ILF2: variants seen among roughly 807,000 people sequenced by gnomAD.
The protein encoded by ILF2 is interleukin enhancer-binding factor 2.
A neutral mutation model predicts 55.3 loss-of-function variants in ILF2; 9 were observed. That is an observed-to-expected ratio of 0.16 (90% confidence interval 0.10 to 0.28). The LOEUF is 0.28. ILF2 is among the 10% of genes least tolerant of loss of function. The pLI, the probability that ILF2 is intolerant of heterozygous loss-of-function variation, is 1.00. For missense variants in ILF2, 266 were observed against 474.9 expected (o/e 0.56, Z 4.09); for synonymous variants, 151 against 161.8 (o/e 0.93, Z 0.50).
chr1:153,665,578 G>T, intron 7 of ILF2, 85 bp downstream of exon 7: 1 of 1,170,792 alleles, frequency 8.5e-7, no homozygotes, highest in Non-Finnish European at 1.3e-6. Flanking sequence ...CATCTGGTCT[G>T]ATCTGATTTT....
Position 153,670,154 on chromosome 1 carries a change from T to A in ILF2, c.65+17A>T. 1 of 1,613,082 alleles carries A rather than the reference T, an allele frequency of 6.2e-7. No homozygotes were observed. Among genetic ancestry groups the A allele is most frequent in the Non-Finnish European group, 8.5e-7 (1 of 1,179,278 alleles). On this transcript the variant is annotated intron_variant, in intron 2 of 13. Transcript: ENST00000361891. ...AACTAACAACCAAGTGCAGAGATGC[T>A]AAAAGCTGGTACTCACCCTCCTCCT...
In ILF2 at chr1:153,663,228, T is replaced by A. The variant is rs1669219143; in HGVS notation, c.793A>T (p.Asn265Tyr). The change falls in exon 11 of 14, where the codon AAC (asparagine) becomes TAC (tyrosine). Residue 265 changes from asparagine to tyrosine, a missense_variant. Physicochemically the swap from Asn to Tyr is moderately radical, Grantham distance 143 (BLOSUM62 -2). Transcript: ENST00000361891. ...AGCATGCTGTACCTGTATGCAACGT[T>A]TAGGGCCAAAGGCTGTCTGGTGGGG... ...NNPTRQPLAL[N>Y]VAYRRCLQIL... is the part of the protein sequence containing the mutation. 6.2e-7 allele frequency: 1 copy of A among 1,614,082 alleles called. No homozygotes were observed. The highest frequency in any genetic ancestry group is 1.7e-5 in the Admixed American group (1 of 60,002).
chr1:153,665,176 G>T, intron 8 of ILF2, 44 bp downstream of exon 8: 1 of 1,100,328 alleles, frequency 9.1e-7, no homozygotes, highest in Non-Finnish European at 1.4e-6. Context: ...ACCATGTTTT[G>T]AATATCCCCT....
At chr1:153,667,690 T>A (rs937226479) in intron 5 of ILF2, 33 bp from the exon 6 acceptor site, 2 of 1,500,876 alleles carry the variant, frequency 1.3e-6, no homozygotes, top group South Asian at 1.2e-5. Flanking sequence ...GAAAAACAAT[T>A]TAGAAGAAAA....
chr1:153,668,692 A>G (rs557213500), intron 3 of ILF2, 135 bp from the exon 4 acceptor site: 3 of 1,088,252 alleles, frequency 2.8e-6, no homozygotes, highest in East Asian at 2.7e-5. Context: ...AATTTGTTCA[A>G]TTAGCTGGGC....
Position 153,670,967 on chromosome 1 carries a change from T to A in ILF2, c.-45A>T. 6.2e-7 allele frequency: 1 copy of A among 1,613,840 alleles called. No homozygotes were observed. The highest frequency in any genetic ancestry group is 8.5e-7 in the Non-Finnish European group (1 of 1,179,708). The stretch of plus-strand genomic sequence containing the variant: ...AATGGAGGCCGCACCAACCGCCCCT[T>A]CCTCTGAGTAGCAGACAACTGAAGA... On this transcript the variant is annotated 5_prime_UTR_variant, in exon 1 of 14. Coordinates refer to ENST00000361891, the MANE Select transcript of ILF2 (RefSeq NM_004515.4).
At position 153,662,710 on chromosome 1, in the gene ILF2, G is replaced by A; in HGVS notation, c.1007C>T (p.Ala336Val). ...GACCCACAGTGGTCACTCACAGCTG[G>A]CATCACCCTCCTGGCCAAGGATCTT... is the stretch of plus-strand genomic sequence containing the variant. Reference protein sequence around the residue: ...FRKILGQEGDASYLASEISTW... With the variant: ...FRKILGQEGDVSYLASEISTW... The change falls in exon 13 of 14, where the codon GCC (alanine) becomes GTC (valine). Residue 336 changes from alanine to valine, a missense_variant. Coordinates refer to ENST00000361891, the MANE Select transcript of ILF2 (RefSeq NM_004515.4). 6.2e-7 allele frequency: 1 copy of A among 1,613,924 alleles called. No individual in the cohort carries two copies. The highest frequency in any genetic ancestry group is 8.5e-7 in the Non-Finnish European group (1 of 1,179,804).
intron 6 of ILF2, among the ~76,000 whole-genome samples, chr1:153,665,983 A>T (rs749504007): frequency 6.6e-6 from 1 of 152,104 alleles, no homozygotes; most frequent in African/African-American, 2.4e-5. Flanking sequence ...AGTTAATAAC[A>T]TTTTGGGCTA....
At chr1:153,669,935 A>C (rs1470551000) in intron 2 of ILF2, 57 bp from the exon 3 acceptor site, 1 of 1,398,868 alleles carries the variant, frequency 7.1e-7, no homozygotes, top group Non-Finnish European at 1.0e-6. Flanking sequence ...CGAGATGTAA[A>C]TAACACGCCA....
intron 4 of ILF2, 102 bp downstream of exon 4, chr1:153,668,351 C>T (rs7536700): frequency 0.091 from 127,550 of 1,399,308 alleles, 8,593 homozygotes; most frequent in African/African-American, 0.32. Context: ...TTGTGGATTT[C>T]AGGCTCTGTT....
In ILF2 at chr1:153,670,159, G is replaced by T. The variant is rs373298912; in HGVS notation, c.65+12C>A. ...ACAACCAAGTGCAGAGATGCTAAAA[G>T]CTGGTACTCACCCTCCTCCTGGGCC... On this transcript the variant is annotated intron_variant, in intron 2 of 13. Coordinates refer to ENST00000361891, the MANE Select transcript of ILF2 (RefSeq NM_004515.4). The T allele has an allele frequency of 2.7e-5, 44 of 1,613,124 alleles. No homozygotes were observed. The highest frequency in any genetic ancestry group is 6.7e-5 in the Admixed American group (4 of 59,966).
rs1669251327 is a variant in ILF2 at position 153,664,335 on chromosome 1, T to C, written c.656+61A>G. The C allele has an allele frequency of 2.3e-6, 3 of 1,331,888 alleles. No homozygotes were observed. The Admixed American group carries it at 5.0e-5, about 22-fold the overall frequency. The allele number at this position is 1,331,888 out of a possible 1,614,324, so 82.5% of individuals were successfully genotyped here. A position where few individuals can be genotyped will look rare whatever the true frequency, so the allele number is the denominator to read the frequency against. On this transcript the variant is annotated intron_variant, in intron 9 of 13. Coordinates refer to ENST00000361891, the MANE Select transcript of ILF2 (RefSeq NM_004515.4). The stretch of plus-strand genomic sequence containing the variant: ...TTCTGTCAGAGGAAGTATGGGGGTA[T>C]CCTGCTATTCACTGCAGTTAAAAAG...
At chr1:153,667,942 G>A in intron 5 of ILF2, 58 bp downstream of exon 5, 1 of 1,224,394 alleles carries the variant, frequency 8.2e-7, no homozygotes, top group Non-Finnish European at 1.2e-6. Flanking sequence ...CAAGAGCCAA[G>A]GCAATTTCCA....
At chr1:153,664,635 C>T (rs746207485) in intron 8 of ILF2, among the ~76,000 whole-genome samples, 161 bp from the exon 9 acceptor site, 6 of 152,218 alleles carry the variant, frequency 3.9e-5, no homozygotes, top group Admixed American at 6.5e-5. Flanking sequence ...TCTCAGCTCA[C>T]TGCAACCTCC....
intron 2 of ILF2, 116 bp downstream of exon 2, chr1:153,670,055 A>G: frequency 8.5e-7 from 1 of 1,178,240 alleles, no homozygotes; most frequent in African/African-American, 1.5e-5. Flanking sequence ...AGTGCAGGAA[A>G]AGACCACAGT....
chr1:153,668,701 G>C (rs1165807893), intron 3 of ILF2, 144 bp from the exon 4 acceptor site: 2 of 999,248 alleles, frequency 2.0e-6, no homozygotes, highest in African/African-American at 1.7e-5. Context: ...AATTAGCTGG[G>C]CGTGGTGGCT....
At chr1:153,666,050 T>G (rs1669297727) in intron 6 of ILF2, among the ~76,000 whole-genome samples, 1 of 152,184 alleles carries the variant, frequency 6.6e-6, no homozygotes, top group South Asian at 2.1e-4. Flanking sequence ...ACGGCCTCTA[T>G]CCTTTTTCTT....
At position 153,670,952 on chromosome 1, in the gene ILF2, G is replaced by A. The variant is rs759656881; in HGVS notation, c.-30C>T. The stretch of plus-strand genomic sequence containing the variant: ...CCTTAAAACACGAACAATGGAGGCC[G>A]CACCAACCGCCCCTTCCTCTGAGTA... On this transcript the variant is annotated 5_prime_UTR_variant, in exon 1 of 14. Coordinates refer to ENST00000361891, the MANE Select transcript of ILF2 (RefSeq NM_004515.4). 6.2e-7 allele frequency: 1 copy of A among 1,614,046 alleles called. No individual in the cohort carries two copies. Among genetic ancestry groups the A allele is most frequent in the Non-Finnish European group, 8.5e-7 (1 of 1,179,906 alleles).
At chr1:153,667,314 C>T in intron 6 of ILF2, 2 of 551,372 alleles carry the variant, frequency 3.6e-6, no homozygotes, top group Non-Finnish European at 6.4e-6. Context: ...CCTGTATCTA[C>T]AAAAAATACA....
Sources: allele counts gnomAD v4.1 joint callset (sites outside exome capture counted in the v4.1 genomes callset), GRCh38; gene constraint gnomAD v4.1.1; transcripts MANE v1.5; gene names NCBI Gene and HGNC (gene_info 2026-07-23, HGNC 2026-07-21).